The following MFSD6 variants were observed in gnomAD, a reference collection of about 807,000 sequenced individuals.
MFSD6 encodes major facilitator superfamily domain containing 6.
Under a neutral mutation model 56.3 loss-of-function variants are expected in MFSD6, and 26 were observed. The observed-to-expected ratio is 0.46, with a 90% CI of 0.34 to 0.64. MFSD6 has a LOEUF of 0.64. Ranked by LOEUF, MFSD6 falls within the 30% of genes least tolerant of loss-of-function variation. The probability of loss-of-function intolerance (pLI) is 0.01; values close to 1 mark genes in which losing one functional copy is unlikely to be tolerated. For synonymous variants in MFSD6, 331 were observed against 366.9 expected (o/e 0.90, Z 1.12); for missense variants, 750 against 986.2 (o/e 0.76, Z 3.21).
rs1483979003 is a variant in MFSD6, at chr2:190,437,367, G to GTA, written c.1340_1341dup (p.Gly448MetfsTer42). The GTA allele has an allele frequency of 6.2e-7, 1 of 1,614,262 alleles. No homozygotes were observed. The highest frequency in any genetic ancestry group is 1.3e-5 in the African/African-American group (1 of 75,072). On this transcript the variant is annotated frameshift_variant, in exon 3 of 8. Coordinates refer to ENST00000392328, the MANE Select transcript of MFSD6 (RefSeq NM_017694.4). LOFTEE classifies it high-confidence loss of function. This position sits in a 1 kb window ranked among gnomAD's most constrained non-coding sequence, Gnocchi z 5.9. ...TAATCAAGCTGCTCTGCAGCGTGCA[G>GTA]TATGGCTCAGTGCTGTTTGTGGCTT... is the stretch of plus-strand genomic sequence containing the variant.
chr2:190,470,387 G>A (rs1687850613), intron 4 of MFSD6, among the ~76,000 whole-genome samples: 1 of 152,130 alleles, frequency 6.6e-6, no homozygotes, highest in African/African-American at 2.4e-5. Context: ...TTGCTTCAGT[G>A]TACTGTCTCC....
intron 3 of MFSD6, among the ~76,000 whole-genome samples, chr2:190,450,530 T>TCTCCCAGG (rs1686742167): frequency 7.0e-6 from 1 of 142,192 alleles, no homozygotes; most frequent in African/African-American, 2.6e-5. Flanking sequence ...TCTCACTCTG[T>TCTCCCAGG]CTCCCAGGCT....
In MFSD6 at chr2:190,469,802, A is replaced by C. The variant is rs778620885; in HGVS notation, c.1577A>C (p.Tyr526Ser). The change falls in exon 4 of 8, where the codon TAT (tyrosine) becomes TCT (serine). Residue 526 changes from tyrosine to serine, a missense_variant. Tyr to Ser is a moderately radical substitution (Grantham distance 144, BLOSUM62 -2). This residue lies in a region of MFSD6 where 125 missense variants were observed against 223.1 expected (regional missense o/e 0.56). Transcript: ENST00000392328. The surrounding 1 kb of genome is among the most constrained non-coding windows in gnomAD (Gnocchi z 5.3). Reference sequence around the variant, plus strand: ...GCCTGCAATACGGCTCGCTATATTTATATTTCCTACCTGGAGAATGCCTGG... The same window carrying C: ...GCCTGCAATACGGCTCGCTATATTTCTATTTCCTACCTGGAGAATGCCTGG... ...GLACNTARYI[Y>S]ISYLENAWTV... The C allele has an allele frequency of 6.2e-7, 1 of 1,607,926 alleles. No individual in the cohort carries two copies. The highest frequency in any genetic ancestry group is 2.2e-5 in the East Asian group (1 of 44,600).
At chr2:190,477,268 T>C (rs1316915010) in intron 4 of MFSD6, 1 of 984,146 alleles carries the variant, frequency 1.0e-6, no homozygotes, top group African/African-American at 1.7e-5. Flanking sequence ...CAAGGTAATA[T>C]GCAACACAGT....
intron 6 of MFSD6, among the ~76,000 whole-genome samples, chr2:190,493,132 G>T (rs114359316): frequency 4.8e-3 from 724 of 152,144 alleles, no homozygotes; most frequent in Non-Finnish European, 7.5e-3. Flanking sequence ...CTGCCTTCAA[G>T]AGACTCGCCT....
At chr2:190,446,940 C>G (rs901318003) in intron 3 of MFSD6, among the ~76,000 whole-genome samples, 2 of 152,200 alleles carry the variant, frequency 1.3e-5, no homozygotes, top group African/African-American at 4.8e-5. Context: ...GTGCACTGCT[C>G]TGAAAATATG....
rs553194001 is a variant in MFSD6 at position 190,498,573 on chromosome 2, C to T, written c.2172+854C>T. Among the ~76,000 whole-genome samples, 7 of 152,224 alleles carry T rather than the reference C, an allele frequency of 4.6e-5. No homozygotes were observed. Among genetic ancestry groups the T allele is most frequent in the African/African-American group, 1.4e-4 (6 of 41,524 alleles). On this transcript the variant is annotated intron_variant, in intron 7 of 7. Coordinates refer to ENST00000392328, the MANE Select transcript of MFSD6 (RefSeq NM_017694.4). This position sits in a 1 kb window ranked among gnomAD's most constrained non-coding sequence, Gnocchi z 5.9. ...ACCAAATCTGGTTCTTTACTGATAA[C>T]CATATGCATGCTAGTCCATGCATGA...
chr2:190,473,413 CA>C (rs937289741), intron 4 of MFSD6, among the ~76,000 whole-genome samples: 2 of 151,690 alleles, frequency 1.3e-5, no homozygotes, highest in East Asian at 1.9e-4. Context: ...AAATGGAAAA[CA>C]AAAAAAGGCA....
At position 190,494,442 on chromosome 2, in the gene MFSD6, C is replaced by T. The variant is rs2125257380; in HGVS notation, c.1892-2997C>T. ...CATTCAAAGAAGAATTGGTACCAATCCTATTGACACTATTCCACAAGATAG... is the reference window on the plus strand; with the variant it reads ...CATTCAAAGAAGAATTGGTACCAATTCTATTGACACTATTCCACAAGATAG... On this transcript the variant is annotated intron_variant, in intron 6 of 7. Coordinates refer to ENST00000392328, the MANE Select transcript of MFSD6 (RefSeq NM_017694.4). The surrounding 1 kb of genome is among the most constrained non-coding windows in gnomAD (Gnocchi z 5.7). Among the ~76,000 whole-genome samples the T allele has an allele frequency of 6.6e-6, 1 of 152,268 alleles. No homozygotes were observed. The highest frequency in any genetic ancestry group is 1.9e-4 in the East Asian group (1 of 5,186).
chr2:190,456,300 AG>A lies in MFSD6; in HGVS notation c.1533-13456del, dbSNP rs1687037064. ...ACTTAAATTTCACTTCAGACAGAGAAGGTGTTTAGCATGGTGAGTGGGAACT... is the reference window on the plus strand; with the variant it reads ...ACTTAAATTTCACTTCAGACAGAGAAGTGTTTAGCATGGTGAGTGGGAACT... On this transcript the variant is annotated intron_variant, in intron 3 of 7. Coordinates refer to ENST00000392328, the MANE Select transcript of MFSD6 (RefSeq NM_017694.4). This position sits in a 1 kb window ranked among gnomAD's most constrained non-coding sequence, Gnocchi z 5.4. Among the ~76,000 whole-genome samples the A allele has an allele frequency of 6.6e-6, 1 of 152,084 alleles. No homozygotes were observed. The highest frequency in any genetic ancestry group is 2.4e-5 in the African/African-American group (1 of 41,396).
At chr2:190,429,521 T>C (rs1360607915) in intron 2 of MFSD6, among the ~76,000 whole-genome samples, 1 of 151,640 alleles carries the variant, frequency 6.6e-6, no homozygotes, top group Non-Finnish European at 1.5e-5. Context: ...AAAGACGGGG[T>C]TTCATCATGT....
chr2:190,441,142 T>C (rs1032630631), intron 3 of MFSD6, among the ~76,000 whole-genome samples: 1 of 152,186 alleles, frequency 6.6e-6, no homozygotes, highest in Non-Finnish European at 1.5e-5. Flanking sequence ...CATCTCTTTG[T>C]GCCATCTTTG....
In MFSD6 at chr2:190,408,429, C is replaced by A; in HGVS notation, c.-250C>A. 6.6e-6 allele frequency: 1 copy of A among 150,882 alleles called. No individual in the cohort carries two copies. Among genetic ancestry groups the A allele is most frequent in the South Asian group, 1.8e-4 (1 of 5,554 alleles). The allele number at this position is 150,882 out of a possible 1,614,324, so 9.3% of individuals were successfully genotyped here. A position where few individuals can be genotyped will look rare whatever the true frequency, so the allele number is the denominator to read the frequency against. On this transcript the variant is annotated 5_prime_UTR_variant, in exon 1 of 8. Coordinates refer to ENST00000392328, the MANE Select transcript of MFSD6 (RefSeq NM_017694.4). ...CCCGACAGCCGCCGCCCCGGCGCCC[C>A]GAGCCGCCGCCCCGTGCTCCGGGGA...
intron 3 of MFSD6, among the ~76,000 whole-genome samples, chr2:190,441,585 C>T (rs546426256): frequency 3.9e-5 from 6 of 152,174 alleles, no homozygotes; most frequent in African/African-American, 1.4e-4. Flanking sequence ...TCTCTCTGGC[C>T]TCTTGTAGTT....
At position 190,465,908 on chromosome 2, in the gene MFSD6, G is replaced by A. The variant is rs967424081; in HGVS notation, c.1533-3850G>A. ...CTTGGGAGGCTGAGGCAGAAGAATC[G>A]CTTGAATCCGGGAGGCGGTGGTTAC... On this transcript the variant is annotated intron_variant, in intron 3 of 7. Coordinates refer to ENST00000392328, the MANE Select transcript of MFSD6 (RefSeq NM_017694.4). This position sits in a 1 kb window ranked among gnomAD's most constrained non-coding sequence, Gnocchi z 4.6. 3.3e-5 allele frequency among the ~76,000 whole-genome samples: 5 copies of A among 152,126 alleles called. No individual in the cohort carries two copies. The highest frequency in any genetic ancestry group is 2.1e-4 in the South Asian group (1 of 4,816).
chr2:190,409,267 A>G (rs575890361), intron 1 of MFSD6, among the ~76,000 whole-genome samples: 13 of 152,232 alleles, frequency 8.5e-5, no homozygotes, highest in African/African-American at 2.9e-4. Context: ...GGAAAAATAC[A>G]AACGCAACTT....
rs1463288000 is a variant in MFSD6 at position 190,479,867 on chromosome 2, T to A, written c.1631-8790T>A. On this transcript the variant is annotated intron_variant, in intron 4 of 7. Coordinates refer to ENST00000392328, the MANE Select transcript of MFSD6 (RefSeq NM_017694.4). ...AGATTTTGATGAAAGATGTTTTTTTTAATGTCATCAGTTAGGGGGACTTGA... is the reference window on the plus strand; with the variant it reads ...AGATTTTGATGAAAGATGTTTTTTTAAATGTCATCAGTTAGGGGGACTTGA... Among the ~76,000 whole-genome samples the A allele has an allele frequency of 8.5e-5, 13 of 152,348 alleles. No homozygotes were observed. In the South Asian group the frequency reaches 2.7e-3, roughly 32 times the overall value.
In MFSD6 at chr2:190,426,755, G is replaced by C. The variant is rs1439128710; in HGVS notation, c.-53-9222G>C. 6.6e-6 allele frequency among the ~76,000 whole-genome samples: 1 copy of C among 152,142 alleles called. No individual in the cohort carries two copies. Among genetic ancestry groups the C allele is most frequent in the African/African-American group, 2.4e-5 (1 of 41,416 alleles). On this transcript the variant is annotated intron_variant, in intron 2 of 7. Transcript: ENST00000392328. The surrounding 1 kb of genome is among the most constrained non-coding windows in gnomAD (Gnocchi z 4.7). ...GATTGCCTTTCTCCATTCAGTTTGA[G>C]ATCTTCCTGGTTCTTGGTGTGACGA...
chr2:190,437,014 A>G lies in MFSD6; in HGVS notation c.985A>G (p.Met329Val), dbSNP rs1686198859. Residue 329 changes from methionine (M) to valine (V), a missense_variant, in exon 3 of 8, where the codon ATG becomes GTG. By Grantham distance (21) the Met-to-Val change is conservative. Transcript: ENST00000392328. The surrounding 1 kb of genome is among the most constrained non-coding windows in gnomAD (Gnocchi z 5.9). ...KHRDRYGLQR[M>V]WGSLGWGLAM... ...CAGAGATCGCTATGGGTTGCAGCGCATGTGGGGCTCCCTGGGCTGGGGCCT... is the reference window on the plus strand; with the variant it reads ...CAGAGATCGCTATGGGTTGCAGCGCGTGTGGGGCTCCCTGGGCTGGGGCCT... 2.5e-6 allele frequency: 4 copies of G among 1,614,218 alleles called. No homozygotes were observed. Among genetic ancestry groups the G allele is most frequent in the Non-Finnish European group, 3.4e-6 (4 of 1,180,034 alleles).
Sources: allele counts gnomAD v4.1 joint callset (sites outside exome capture counted in the v4.1 genomes callset), GRCh38; gene constraint gnomAD v4.1.1; regional missense constraint gnomAD v4.1.1; non-coding constraint Gnocchi (gnomAD v3.1); transcripts MANE v1.5; gene names NCBI Gene and HGNC (gene_info 2026-07-23, HGNC 2026-07-21).